Variants in DYNC2H1 observed in about 807,000 individuals in gnomAD.
DYNC2H1 encodes dynein cytoplasmic 2 heavy chain 1.
Under a neutral mutation model 570.0 loss-of-function variants are expected in DYNC2H1, and 410 were observed. The observed-to-expected ratio is 0.72, with a 90% CI of 0.66 to 0.78. The LOEUF (loss-of-function observed/expected upper bound fraction) is 0.78, where lower values mean the gene tolerates loss of function less well. Among genes scored for constraint, DYNC2H1 ranks in the 30% least tolerant of loss-of-function variants. DYNC2H1 has a pLI of 0.00. For missense variants in DYNC2H1, 4,865 were observed against 5,046.4 expected (o/e 0.96, Z 1.09); for synonymous variants, 1,688 against 1,677.6 (o/e 1.01, Z -0.15).
chr11:103,298,843 TAAAA>T (rs999149585), intron 75 of DYNC2H1, among the ~76,000 whole-genome samples: 1 of 152,172 alleles, frequency 6.6e-6, no homozygotes, highest in African/African-American at 2.4e-5. Flanking sequence ...AATAGTAAGT[TAAAA>T]AGATGTATTT....
chr11:103,349,057 C>T (rs539559953), intron 82 of DYNC2H1, among the ~76,000 whole-genome samples: 12 of 152,154 alleles, frequency 7.9e-5, no homozygotes, highest in East Asian at 1.9e-4. Flanking sequence ...TTATAAATTA[C>T]CCAGTCTCGG....
intron 59 of DYNC2H1, 24 bp from the exon 60 acceptor site, chr11:103,231,236 G>A (rs757588201): frequency 1.4e-6 from 2 of 1,430,240 alleles, no homozygotes; most frequent in South Asian, 2.5e-5. Context: ...AGAATGACTT[G>A]TATAATATTG....
At position 103,468,630 on chromosome 11, in the gene DYNC2H1, T is replaced by A; in HGVS notation, c.12690T>A (p.Asn4230Lys). The stretch of plus-strand genomic sequence containing the variant: ...TAGAAGGATGTAGTTTTGATGGAAA[T>A]CAACTTTCTGAAAATCAGCTTGATT... Reference protein sequence around the residue: ...LLLEGCSFDGNQLSENQLDSP... With the variant: ...LLLEGCSFDGKQLSENQLDSP... Residue 4230 changes from asparagine to lysine, a missense_variant, in exon 88 of 89, where the codon AAT (asparagine) becomes AAA (lysine). Physicochemically the swap from Asn to Lys is moderately conservative, Grantham distance 94. Coordinates refer to ENST00000375735, the MANE Select transcript of DYNC2H1 (RefSeq NM_001377.3). 6.2e-7 allele frequency: 1 copy of A among 1,613,728 alleles called. No homozygotes were observed. The highest frequency in any genetic ancestry group is 1.7e-5 in the Admixed American group (1 of 60,006).
chr11:103,401,322 G>A lies in DYNC2H1; in HGVS notation c.12366+1450G>A, dbSNP rs188659680. Among the ~76,000 whole-genome samples the A allele has an allele frequency of 1.7e-3, 266 of 152,162 alleles. 1 individual carries two copies. The highest frequency in any genetic ancestry group is 5.5e-3 in the African/African-American group (227 of 41,514). On this transcript the variant is annotated intron_variant, in intron 84 of 88. Transcript: ENST00000375735. ...ATATTTCTTTATCCAACTATATGCC[G>A]TACAGAGTAAAATGTATCATTAAGA...
At chr11:103,399,521 AT>A (rs1259505509) in intron 83 of DYNC2H1, 141 bp from the exon 84 acceptor site, 1 of 644,136 alleles carries the variant, frequency 1.6e-6, no homozygotes, top group Non-Finnish European at 2.6e-6. Flanking sequence ...GACTTAATAC[AT>A]TTGACCGTTT....
chr11:103,135,965 G>A lies in DYNC2H1; in HGVS notation c.2574+17G>A, dbSNP rs749672862. The A allele has an allele frequency of 9.9e-6, 15 of 1,518,424 alleles. No homozygotes were observed. The South Asian group carries it at 1.9e-4, about 19-fold the overall frequency. 94.1% of individuals were successfully genotyped at this position (1,518,424 alleles called of 1,614,324 possible). ...CAACATAAGGTATAGAACATGTAAT[G>A]TTCCATCCTTCCATCATAAAATTAT... is the stretch of plus-strand genomic sequence containing the variant. On this transcript the variant is annotated intron_variant, in intron 17 of 88. Coordinates refer to ENST00000375735, the MANE Select transcript of DYNC2H1 (RefSeq NM_001377.3).
chr11:103,152,107 C>T (rs1305090619), intron 20 of DYNC2H1, 29 bp from the exon 21 acceptor site: 1 of 1,249,952 alleles, frequency 8.0e-7, no homozygotes, highest in Non-Finnish European at 1.1e-6. Flanking sequence ...GGTTGTTATT[C>T]AATTTGTTTT....
In DYNC2H1 at chr11:103,287,391, A is replaced by C. The variant is rs547368518; in HGVS notation, c.11023-142A>C. 1.7e-5 allele frequency: 11 copies of C among 663,974 alleles called. No individual in the cohort carries two copies. In the African/African-American group the frequency reaches 1.8e-4, roughly 11 times the overall value. 41.1% of individuals were successfully genotyped at this position (663,974 alleles called of 1,614,324 possible). A position where few individuals can be genotyped will look rare whatever the true frequency, so the allele number is the denominator to read the frequency against. ...GCTATATACCTATTGTGACAGTTTA[A>C]AGCACAGTAAATAATATGGAACAAT... On this transcript the variant is annotated intron_variant, in intron 74 of 88. Coordinates refer to ENST00000375735, the MANE Select transcript of DYNC2H1 (RefSeq NM_001377.3).
At chr11:103,235,882 T>C (rs1049197417) in intron 62 of DYNC2H1, 69 bp downstream of exon 62, 39 of 1,570,620 alleles carry the variant, frequency 2.5e-5, no homozygotes, top group Middle Eastern at 1.7e-4. Flanking sequence ...AATTTCAATA[T>C]ACTAAAAATA....
intron 84 of DYNC2H1, among the ~76,000 whole-genome samples, chr11:103,423,810 CATA>C (rs1373972135): frequency 6.6e-6 from 1 of 151,656 alleles, no homozygotes; most frequent in Non-Finnish European, 1.5e-5. Context: ...GAAAGAAGCA[CATA>C]AAAATGTAGG....
intron 78 of DYNC2H1, among the ~76,000 whole-genome samples, 165 bp downstream of exon 78, chr11:103,307,996 T>A (rs1184868011): frequency 6.6e-6 from 1 of 152,224 alleles, no homozygotes; most frequent in Non-Finnish European, 1.5e-5. Flanking sequence ...TACATTTAAA[T>A]CTTTTCAAAT....
At position 103,423,408 on chromosome 11, in the gene DYNC2H1, TAAAAAAAAAAAAAAA is replaced by T. The variant is rs60223334; in HGVS notation, c.12367-12519_12367-12505del. The stretch of plus-strand genomic sequence containing the variant: ...ATTAAATAGCCAAAAGCCAAAAAAG[TAAAAAAAAAAAAAAA>T]AAAAAAAAAAAAAAACCCTGCAACT... On this transcript the variant is annotated intron_variant, in intron 84 of 88. Transcript: ENST00000375735. Among the ~76,000 whole-genome samples, 334 of 120,508 alleles carry T rather than the reference TAAAAAAAAAAAAAAA, an allele frequency of 2.8e-3. 2 individuals carry two copies. The highest frequency in any genetic ancestry group is 6.5e-3 in the South Asian group (27 of 4,180). The allele number at this position is 120,508 out of a possible 152,430, so 79.1% of individuals were successfully genotyped here. A position where few individuals can be genotyped will look rare whatever the true frequency, so the allele number is the denominator to read the frequency against.
chr11:103,400,151 G>T (rs927483287), intron 84 of DYNC2H1, among the ~76,000 whole-genome samples: 1 of 152,100 alleles, frequency 6.6e-6, no homozygotes, highest in Admixed American at 6.5e-5. Context: ...TTCACTTTGG[G>T]GCAGGTCCCC....
intron 81 of DYNC2H1, among the ~76,000 whole-genome samples, chr11:103,322,887 C>T (rs988239076): frequency 1.3e-5 from 2 of 152,178 alleles, no homozygotes; most frequent in African/African-American, 4.8e-5. Flanking sequence ...TACATTTATA[C>T]GTATATATTG....
chr11:103,275,434 G>A lies in DYNC2H1; in HGVS notation c.10696-4914G>A, dbSNP rs1271875855. 1.3e-5 allele frequency among the ~76,000 whole-genome samples: 2 copies of A among 152,148 alleles called. No individual in the cohort carries two copies. The highest frequency in any genetic ancestry group is 1.9e-4 in the East Asian group (1 of 5,188). On this transcript the variant is annotated intron_variant, in intron 70 of 88. Coordinates refer to ENST00000375735, the MANE Select transcript of DYNC2H1 (RefSeq NM_001377.3). The surrounding 1 kb of genome is among the most constrained non-coding windows in gnomAD (Gnocchi z 4.8). ...GGATTTTGAGAAATTTAAATGACAT[G>A]TGTTCACCATTCTAGTATCTTACAG...
rs1311260647 is a variant in DYNC2H1, at chr11:103,176,370, A to T, written c.5810A>T (p.Asp1937Val). ...ATTGAATTGAAAGAAGTGGAATATG[A>T]TGAACTAAGTGCTGCATTAAAGCAG... ...PGIELKEVEYDELSAALKQVF... is the reference protein window; with the variant it reads ...PGIELKEVEYVELSAALKQVF... Residue 1937 changes from aspartate to valine, a missense_variant, in exon 37 of 89, where the codon GAT becomes GTT. Asp to Val is a radical substitution (Grantham distance 152, BLOSUM62 -3). Around this residue, in one of 5 missense-constraint regions of DYNC2H1, gnomAD observed 292 missense variants for 300.2 expected, o/e 0.97. Coordinates refer to ENST00000375735, the MANE Select transcript of DYNC2H1 (RefSeq NM_001377.3). 1.3e-6 allele frequency: 2 copies of T among 1,595,852 alleles called. No individual in the cohort carries two copies. Among genetic ancestry groups the T allele is most frequent in the Non-Finnish European group, 1.7e-6 (2 of 1,171,438 alleles).
chr11:103,335,474 G>T (rs1185910730), intron 82 of DYNC2H1, among the ~76,000 whole-genome samples: 3 of 57,624 alleles, frequency 5.2e-5, no homozygotes, highest in African/African-American at 1.7e-4. Flanking sequence ...TAGGATGTTT[G>T]GTTGGCTTCT....
At chr11:103,161,095 A>G in intron 29 of DYNC2H1, 51 bp downstream of exon 29, 3 of 1,030,214 alleles carry the variant, frequency 2.9e-6, no homozygotes, top group Non-Finnish European at 4.1e-6. Context: ...ACTATATATG[A>G]ACTTTGTGTC....
In DYNC2H1 at chr11:103,245,113, G is replaced by T; in HGVS notation, c.9919-138G>T. 1 of 672,754 alleles carries T rather than the reference G, an allele frequency of 1.5e-6. No individual in the cohort carries two copies. Among genetic ancestry groups the T allele is most frequent in the Non-Finnish European group, 2.3e-6 (1 of 435,982 alleles). 41.7% of individuals were successfully genotyped at this position (672,754 alleles called of 1,614,324 possible). On this transcript the variant is annotated intron_variant, in intron 64 of 88. Transcript: ENST00000375735. This position sits in a 1 kb window ranked among gnomAD's most constrained non-coding sequence, Gnocchi z 4.5. ...GAGTAGGGTTCTTATTAATACTTGGGTGAGTAATTTATTACCTATAGAATC... is the reference window on the plus strand; with the variant it reads ...GAGTAGGGTTCTTATTAATACTTGGTTGAGTAATTTATTACCTATAGAATC...
Sources: gnomAD v4.1 joint callset for allele counts (sites outside exome capture counted in the v4.1 genomes callset) on GRCh38, gnomAD v4.1.1 for gene constraint, gnomAD v4.1.1 regional missense constraint, Gnocchi (gnomAD v3.1) non-coding constraint, MANE v1.5 for transcripts, NCBI Gene and HGNC (gene_info 2026-07-23, HGNC 2026-07-21) for gene names.